The following HS6ST3 variants were observed in gnomAD, a reference collection of about 807,000 sequenced individuals.
HS6ST3 encodes the protein heparan-sulfate 6-O-sulfotransferase 3.
A neutral mutation model predicts 36.7 loss-of-function variants in HS6ST3; 12 were observed. That is an observed-to-expected ratio of 0.33 (90% CI 0.21 to 0.53). HS6ST3 has a LOEUF of 0.53. Among genes scored for constraint, HS6ST3 ranks in the 20% least tolerant of loss-of-function variants. HS6ST3 has a pLI of 0.95. For missense variants in HS6ST3, 584 were observed against 640.9 expected (o/e 0.91, Z 0.96); for synonymous variants, 240 against 257.5 (o/e 0.93, Z 0.65).
At chr13:96,411,625 T>C (rs1396961750) in intron 1 of HS6ST3, among the ~76,000 whole-genome samples, 3 of 152,230 alleles carry the variant, frequency 2.0e-5, no homozygotes, top group East Asian at 1.9e-4. Context: ...GGTGGCACAC[T>C]CAGATTTGTG....
At chr13:96,358,914 A>G (rs1223250034) in intron 1 of HS6ST3, among the ~76,000 whole-genome samples, 1 of 151,962 alleles carries the variant, frequency 6.6e-6, no homozygotes, top group African/African-American at 2.4e-5. Context: ...CTATCTATCT[A>G]TCTAGAGAGA....
At chr13:96,778,434 G>T (rs1877445555) in intron 1 of HS6ST3, among the ~76,000 whole-genome samples, 1 of 152,078 alleles carries the variant, frequency 6.6e-6, no homozygotes, top group African/African-American at 2.4e-5. Flanking sequence ...ACCTGACAAA[G>T]GGTTAATATC....
chr13:96,598,494 T>C (rs1475089634), intron 1 of HS6ST3, among the ~76,000 whole-genome samples: 1 of 152,154 alleles, frequency 6.6e-6, no homozygotes. Flanking sequence ...TGTTGGTATA[T>C]AACAGTGCTA....
intron 1 of HS6ST3, among the ~76,000 whole-genome samples, chr13:96,223,703 T>C (rs910356140): frequency 6.6e-6 from 1 of 152,128 alleles, no homozygotes; most frequent in Admixed American, 6.5e-5. Flanking sequence ...ATTTCTTTAT[T>C]TGTGTCTAAC....
At chr13:96,147,876 G>A (rs1460538314) in intron 1 of HS6ST3, among the ~76,000 whole-genome samples, 1 of 152,206 alleles carries the variant, frequency 6.6e-6, no homozygotes, top group African/African-American at 2.4e-5. Flanking sequence ...AAACAATGTA[G>A]TGTGAAAGCA....
At chr13:96,517,954 A>G (rs1465816257) in intron 1 of HS6ST3, among the ~76,000 whole-genome samples, 2 of 152,200 alleles carry the variant, frequency 1.3e-5, no homozygotes, top group Admixed American at 1.3e-4. Context: ...ACATGGGATC[A>G]ACCTCAATGC....
At chr13:96,815,171 G>C (rs1878394197) in intron 1 of HS6ST3, among the ~76,000 whole-genome samples, 1 of 152,202 alleles carries the variant, frequency 6.6e-6, no homozygotes, top group South Asian at 2.1e-4. Flanking sequence ...GGTTTCCTCT[G>C]AGGGTGGGAG....
chr13:96,634,492 G>A (rs1053288978), intron 1 of HS6ST3, among the ~76,000 whole-genome samples: 6 of 152,186 alleles, frequency 3.9e-5, no homozygotes, highest in Admixed American at 2.6e-4. Context: ...AGTCAGAGAA[G>A]ACTTAGTCTC....
At chr13:96,663,797 A>G (rs1021288786) in intron 1 of HS6ST3, among the ~76,000 whole-genome samples, 1 of 152,226 alleles carries the variant, frequency 6.6e-6, no homozygotes, top group African/African-American at 2.4e-5. Context: ...CTTTGGCAAT[A>G]AAAACAAGAA....
chr13:96,661,779 G>T (rs1359432957), intron 1 of HS6ST3, among the ~76,000 whole-genome samples: 5 of 152,080 alleles, frequency 3.3e-5, no homozygotes, highest in African/African-American at 1.2e-4. Context: ...TTCCTTGTGG[G>T]TCCGGTCTAT....
intron 1 of HS6ST3, among the ~76,000 whole-genome samples, chr13:96,613,904 G>A (rs1291519421): frequency 6.6e-6 from 1 of 152,146 alleles, no homozygotes; most frequent in African/African-American, 2.4e-5. Context: ...GATCACGACA[G>A]GTGCCAAGCA....
At chr13:96,625,997 C>T (rs1260014344) in intron 1 of HS6ST3, among the ~76,000 whole-genome samples, 3 of 104,258 alleles carry the variant, frequency 2.9e-5, no homozygotes, top group Non-Finnish European at 3.9e-5. Context: ...CCACTACGCC[C>T]GGCTAATTTT....
intron 1 of HS6ST3, among the ~76,000 whole-genome samples, chr13:96,322,702 A>C (rs1368075822): frequency 6.6e-6 from 1 of 152,166 alleles, no homozygotes; most frequent in Middle Eastern, 3.2e-3. Context: ...TTACAGCGAA[A>C]CTCTAAAAAG....
At chr13:96,116,605 A>G (rs2053895452) in intron 1 of HS6ST3, among the ~76,000 whole-genome samples, 2 of 152,236 alleles carry the variant, frequency 1.3e-5, no homozygotes, top group African/African-American at 4.8e-5. Context: ...AATTCTAAGC[A>G]ATCAGGGTGG....
At chr13:96,830,243 T>C (rs1183257183) in intron 1 of HS6ST3, among the ~76,000 whole-genome samples, 1 of 152,184 alleles carries the variant, frequency 6.6e-6, no homozygotes, top group African/African-American at 2.4e-5. Context: ...CACTTTCAAC[T>C]TAGGGTGTTT....
At position 96,419,326 on chromosome 13, in the gene HS6ST3, AG is replaced by A. The variant is rs139572635; in HGVS notation, c.707+327763del. Among the ~76,000 whole-genome samples, 189 of 152,322 alleles carry A rather than the reference AG, an allele frequency of 1.2e-3. 2 individuals carry two copies. Among genetic ancestry groups the A allele is most frequent in the African/African-American group, 4.4e-3 (184 of 41,578 alleles). ...TAATACTGAAGCTGCATAAAAGTGT[AG>A]GGGGGAAGTAGAATGGCCTTTTATA... On this transcript the variant is annotated intron_variant, in intron 1 of 1. Transcript: ENST00000376705.
At chr13:96,736,062 C>T (rs1419266214) in intron 1 of HS6ST3, among the ~76,000 whole-genome samples, 2 of 151,838 alleles carry the variant, frequency 1.3e-5, no homozygotes, top group Admixed American at 1.3e-4. Flanking sequence ...CACTGGGGCC[C>T]ATCAGAAGGT....
chr13:96,630,253 G>A (rs2056527384), intron 1 of HS6ST3, among the ~76,000 whole-genome samples: 1 of 151,998 alleles, frequency 6.6e-6, no homozygotes, highest in African/African-American at 2.4e-5. Context: ...TGTGTGTGTG[G>A]TTTTTAAATT....
At chr13:96,679,038 A>G (rs2056709110) in intron 1 of HS6ST3, among the ~76,000 whole-genome samples, 2 of 150,990 alleles carry the variant, frequency 1.3e-5, no homozygotes, top group Non-Finnish European at 2.9e-5. Flanking sequence ...TGAGCTGGTC[A>G]TGGAAGAAAG....
Sources: gnomAD v4.1 joint callset for allele counts (sites outside exome capture counted in the v4.1 genomes callset) on GRCh38, gnomAD v4.1.1 for gene constraint, MANE v1.5 for transcripts, NCBI Gene and HGNC (gene_info 2026-07-23, HGNC 2026-07-21) for gene names.